Variants in IFI16 observed in about 807,000 individuals in gnomAD.
IFI16 encodes the protein interferon gamma inducible protein 16.
In IFI16, 49 loss-of-function variants were observed where a neutral mutation model predicts 68.4. That is an observed-to-expected ratio of 0.72 (90% CI 0.57 to 0.91). The LOEUF is 0.91. Among genes scored for constraint, IFI16 ranks in the 40% least tolerant of loss-of-function variants. The probability of loss-of-function intolerance (pLI) is 0.00; values close to 1 mark genes in which losing one functional copy is unlikely to be tolerated. For synonymous variants in IFI16, 307 were observed against 315.0 expected (o/e 0.97, Z 0.27); for missense variants, 878 against 942.9 (o/e 0.93, Z 0.90).
chr1:159,018,161 C>A, intron 4 of IFI16, 68 bp from the exon 5 acceptor site: 1 of 1,344,272 alleles, frequency 7.4e-7, no homozygotes, highest in Non-Finnish European at 1.0e-6. Context: ...ATACTGAGGT[C>A]ACTGAATAGC....
At chr1:159,028,961 G>A (rs1653832000) in intron 6 of IFI16, among the ~76,000 whole-genome samples, 1 of 152,152 alleles carries the variant, frequency 6.6e-6, no homozygotes, top group South Asian at 2.1e-4. Context: ...TATGCTTTAA[G>A]TGGAGCATTT....
At position 159,015,007 on chromosome 1, in the gene IFI16, T is replaced by C. The variant is rs1003461688; in HGVS notation, c.265+62T>C. 5.6e-6 allele frequency: 8 copies of C among 1,428,448 alleles called. No homozygotes were observed. In the African/African-American group the frequency reaches 7.2e-5, roughly 13 times the overall value. 88.5% of individuals were successfully genotyped at this position (1,428,448 alleles called of 1,614,324 possible). On this transcript the variant is annotated intron_variant, in intron 2 of 11. Transcript: ENST00000295809. ...ATCCCCAAACCCTCCCCAACATTGA[T>C]TAGAGCCCCACCTCGGACATACTTG...
At chr1:159,052,349 AG>A (rs1655418125) in intron 10 of IFI16, 2 of 487,346 alleles carry the variant, frequency 4.1e-6, no homozygotes, top group African/African-American at 3.8e-5. Context: ...GCATTTTATT[AG>A]TTTTGATGAT....
At chr1:159,022,957 T>A (rs987890021) in intron 6 of IFI16, among the ~76,000 whole-genome samples, 2 of 152,176 alleles carry the variant, frequency 1.3e-5, no homozygotes, top group Admixed American at 6.5e-5. Flanking sequence ...TTAAGAGAAG[T>A]AATTTTTCAG....
intron 7 of IFI16, among the ~76,000 whole-genome samples, chr1:159,037,861 A>T (rs773940998): frequency 3.3e-4 from 50 of 151,894 alleles, no homozygotes; most frequent in Non-Finnish European, 6.2e-4. Context: ...GGCAGACATT[A>T]AAAAAAATGC....
chr1:159,003,506 T>C (rs1442304971), upstream of IFI16, among the ~76,000 whole-genome samples: 1 of 152,190 alleles, frequency 6.6e-6, no homozygotes, highest in Admixed American at 6.5e-5. Flanking sequence ...TTTGCTCTTT[T>C]GTGATTCTTA....
At chr1:159,046,202 A>C (rs959367393) in intron 8 of IFI16, among the ~76,000 whole-genome samples, 4 of 151,252 alleles carry the variant, frequency 2.6e-5, no homozygotes, top group African/African-American at 9.7e-5. Context: ...TAGTAAGAAC[A>C]AATGTCTCTC....
chr1:159,034,319 C>T (rs571216682), intron 7 of IFI16, among the ~76,000 whole-genome samples: 23 of 152,202 alleles, frequency 1.5e-4, no homozygotes, highest in African/African-American at 5.5e-4. Context: ...CATTGAGACC[C>T]TACTAGTCTC....
At chr1:159,035,223 C>T (rs1238428486) in intron 7 of IFI16, among the ~76,000 whole-genome samples, 2 of 152,122 alleles carry the variant, frequency 1.3e-5, no homozygotes, top group Non-Finnish European at 2.9e-5. Context: ...CTGTATTTCC[C>T]TCCATAGTTT....
At chr1:159,046,651 T>G (rs1339056106) in intron 8 of IFI16, among the ~76,000 whole-genome samples, 1 of 151,122 alleles carries the variant, frequency 6.6e-6, no homozygotes, top group African/African-American at 2.4e-5. Flanking sequence ...CTATCCATGC[T>G]CTTAACCACA....
At position 159,032,511 on chromosome 1, in the gene IFI16, T is replaced by C. The variant is rs2518553; in HGVS notation, c.1162-13T>C. ...ATATTGAAAACCATTAAACAGAAAA[T>C]GAATACTTTCAGATAAAGAAAAAAA... is the stretch of plus-strand genomic sequence containing the variant. On this transcript the variant is annotated splice_polypyrimidine_tract_variant and intron_variant, in intron 6 of 11. Transcript: ENST00000295809. 1,219,526 of 1,534,654 alleles carry C rather than the reference T, an allele frequency of 0.79. 492,716 individuals are homozygous for C. Among genetic ancestry groups the C allele is most frequent in the Admixed American group, 0.86 (40,052 of 46,646 alleles).
At chr1:159,031,878 A>G (rs986106495) in intron 6 of IFI16, among the ~76,000 whole-genome samples, 1 of 152,222 alleles carries the variant, frequency 6.6e-6, no homozygotes, top group Non-Finnish European at 1.5e-5. Flanking sequence ...GTGGGGAACC[A>G]ATATAATGCA....
At chr1:159,042,500 C>A (rs1182843623) in intron 7 of IFI16, among the ~76,000 whole-genome samples, 1 of 152,200 alleles carries the variant, frequency 6.6e-6, no homozygotes. Context: ...CTCTTAACCA[C>A]ATCGGGGGTT....
intron 1 of IFI16, among the ~76,000 whole-genome samples, chr1:159,000,868 C>A (rs1007940535): frequency 2.0e-5 from 3 of 152,088 alleles, no homozygotes; most frequent in Admixed American, 6.6e-5. Context: ...TGAGTGAGTT[C>A]TCCTCTGAGT....
At chr1:159,019,045 G>T (rs962717538) in intron 5 of IFI16, among the ~76,000 whole-genome samples, 3 of 152,066 alleles carry the variant, frequency 2.0e-5, no homozygotes, top group African/African-American at 7.2e-5. Context: ...TTTGAATGAA[G>T]TATTGTCCTC....
intron 9 of IFI16, among the ~76,000 whole-genome samples, chr1:159,050,667 T>C (rs555063486): frequency 6.6e-5 from 10 of 152,182 alleles, no homozygotes; most frequent in African/African-American, 1.4e-4. Flanking sequence ...ATACCTCCTC[T>C]TCCAGATCAG....
At position 159,014,862 on chromosome 1, in the gene IFI16, G is replaced by A; in HGVS notation, c.182G>A (p.Gly61Asp). 2 of 1,614,038 alleles carry A rather than the reference G, an allele frequency of 1.2e-6. No homozygotes were observed. The highest frequency in any genetic ancestry group is 1.7e-6 in the Non-Finnish European group (2 of 1,179,942). ...GAAGAAAAGTTCCGAGGTGATGCTG[G>A]TTTGGGCAAACTAATAAAAATTTTC... is the stretch of plus-strand genomic sequence containing the variant. Reference protein sequence around the residue: ...LMEEKFRGDAGLGKLIKIFED... With the variant: ...LMEEKFRGDADLGKLIKIFED... Residue 61 changes from glycine to aspartate, a missense_variant, in exon 2 of 12, where the codon GGT (glycine) becomes GAT (aspartate). Physicochemically the swap from Gly to Asp is moderately conservative, Grantham distance 94. Transcript: ENST00000295809.
intron 1 of IFI16, among the ~76,000 whole-genome samples, chr1:159,011,648 T>C (rs1652572745): frequency 1.2e-5 from 1 of 80,608 alleles, no homozygotes. Context: ...CATAATTTTC[T>C]AGGAGTTGAA....
intron 4 of IFI16, among the ~76,000 whole-genome samples, chr1:159,017,898 G>A (rs1016002755): frequency 5.9e-5 from 9 of 152,180 alleles, no homozygotes; most frequent in Non-Finnish European, 1.0e-4. Flanking sequence ...GTGAGCCACC[G>A]CGCCTGGCCC....
Sources: allele counts gnomAD v4.1 joint callset (sites outside exome capture counted in the v4.1 genomes callset), GRCh38; gene constraint gnomAD v4.1.1; transcripts MANE v1.5; gene names NCBI Gene and HGNC (gene_info 2026-07-23, HGNC 2026-07-21).